Variants in RC3H2 observed in about 807,000 individuals in gnomAD.
RC3H2 encodes roquin-2.
Under a neutral mutation model 133.3 loss-of-function variants are expected in RC3H2, and 31 were observed. That is an observed-to-expected ratio of 0.23 (90% confidence interval 0.17 to 0.31). The LOEUF (loss-of-function observed/expected upper bound fraction) is 0.31, where lower values mean the gene tolerates loss of function less well. Among genes scored for constraint, RC3H2 ranks in the 10% least tolerant of loss-of-function variants. The probability of loss-of-function intolerance (pLI) is 1.00; values close to 1 mark genes in which losing one functional copy is unlikely to be tolerated. For synonymous variants in RC3H2, 517 were observed against 502.2 expected (o/e 1.03, Z -0.40); for missense variants, 1,175 against 1,437.2 (o/e 0.82, Z 2.95).
At chr9:122,904,296 T>C (rs1032064083) in intron 1 of RC3H2, among the ~76,000 whole-genome samples, 6 of 152,226 alleles carry the variant, frequency 3.9e-5, no homozygotes, top group Admixed American at 3.9e-4. Flanking sequence ...CAGTGATTAC[T>C]TGAGTCAATT....
At chr9:122,876,872 G>A (rs554892973) in intron 9 of RC3H2, among the ~76,000 whole-genome samples, 21 of 152,216 alleles carry the variant, frequency 1.4e-4, no homozygotes, top group Non-Finnish European at 2.8e-4. Flanking sequence ...ACCAAAAGCC[G>A]TAAAAAGGAT....
At chr9:122,882,465 A>G (rs1831688096) in intron 5 of RC3H2, among the ~76,000 whole-genome samples, 1 of 152,208 alleles carries the variant, frequency 6.6e-6, no homozygotes, top group Non-Finnish European at 1.5e-5. Flanking sequence ...AATAACCTAA[A>G]TAAGCTTTGG....
intron 9 of RC3H2, among the ~76,000 whole-genome samples, chr9:122,872,688 G>A (rs1439717963): frequency 1.3e-5 from 2 of 152,066 alleles, no homozygotes; most frequent in Non-Finnish European, 2.9e-5. Context: ...AGGTTCACGC[G>A]ATTCTCGTGC....
intron 18 of RC3H2, among the ~76,000 whole-genome samples, chr9:122,852,338 T>C (rs57140227): frequency 0.36 from 39,272 of 109,138 alleles, 7,005 homozygotes; most frequent in East Asian, 0.7. Flanking sequence ...CCTCTCTGCC[T>C]GGCAGCCACC....
chr9:122,888,652 A>T (rs942915735), intron 4 of RC3H2, among the ~76,000 whole-genome samples: 1 of 152,194 alleles, frequency 6.6e-6, no homozygotes, highest in Non-Finnish European at 1.5e-5. Context: ...CAGAATATAT[A>T]CTTCTTCCTC....
intron 9 of RC3H2, among the ~76,000 whole-genome samples, chr9:122,866,224 G>A (rs1182364376): frequency 6.6e-6 from 1 of 152,134 alleles, no homozygotes; most frequent in East Asian, 1.9e-4. Context: ...TATACCTAAA[G>A]TTAAAAACAT....
chr9:122,903,462 G>A (rs1014630336), intron 1 of RC3H2, among the ~76,000 whole-genome samples: 1 of 152,158 alleles, frequency 6.6e-6, no homozygotes, highest in Non-Finnish European at 1.5e-5. Context: ...CAAATTTTTG[G>A]TTTTTTCAAA....
In RC3H2 at chr9:122,897,541, A is replaced by G; in HGVS notation, c.-32T>C. On this transcript the variant is annotated 5_prime_UTR_variant, in exon 2 of 21. It removes the in-frame stop codon of an upstream open reading frame in the 5' UTR. Coordinates refer to ENST00000357244, the MANE Select transcript of RC3H2 (RefSeq NM_001100588.3). ...AGCTGGATGCTCGGGTTAGCAGTCT[A>G]GCAGATCATTATTTTGCTGTGTAGT... The G allele has an allele frequency of 1.9e-6, 3 of 1,593,522 alleles. No homozygotes were observed. The highest frequency in any genetic ancestry group is 1.7e-6 in the Non-Finnish European group (2 of 1,167,352).
Position 122,851,385 on chromosome 9 carries a change from T to C in RC3H2, c.3169A>G (p.Ile1057Val), listed in dbSNP as rs1162604433. 1 of 1,614,108 alleles carries C rather than the reference T, an allele frequency of 6.2e-7. No individual in the cohort carries two copies. Among genetic ancestry groups the C allele is most frequent in the Non-Finnish European group, 8.5e-7 (1 of 1,180,038 alleles). The change falls in exon 19 of 21, where the codon ATC (isoleucine) becomes GTC (valine). Residue 1057 changes from isoleucine to valine, a missense_variant. Ile to Val is a conservative substitution (Grantham distance 29, BLOSUM62 3). Coordinates refer to ENST00000357244, the MANE Select transcript of RC3H2 (RefSeq NM_001100588.3). The part of the protein sequence containing the change: ...DATDTKPDRD[I>V]ELELSALDTD... Reference sequence around the variant, plus strand: ...TCAAGTGCTGAAAGCTCTAACTCGATATCCCTATCAGGTTTAGTATCTGTT... The same window carrying C: ...TCAAGTGCTGAAAGCTCTAACTCGACATCCCTATCAGGTTTAGTATCTGTT...
chr9:122,852,484 A>T (rs1280510565), intron 18 of RC3H2, among the ~76,000 whole-genome samples: 1 of 135,470 alleles, frequency 7.4e-6, no homozygotes, highest in African/African-American at 2.9e-5. Flanking sequence ...CCCTACTGGG[A>T]AGTGAGGAGC....
At chr9:122,857,707 T>C (rs1402800976) in intron 13 of RC3H2, among the ~76,000 whole-genome samples, 1 of 152,202 alleles carries the variant, frequency 6.6e-6, no homozygotes, top group Non-Finnish European at 1.5e-5. Flanking sequence ...ATAGGAAAGA[T>C]TTTGAATTCT....
chr9:122,904,036 T>C (rs1001998935), intron 1 of RC3H2, among the ~76,000 whole-genome samples: 1 of 152,232 alleles, frequency 6.6e-6, no homozygotes, highest in Non-Finnish European at 1.5e-5. Flanking sequence ...CACTGTGGTA[T>C]AGCAACGTTA....
intron 13 of RC3H2, 27 bp from the exon 14 acceptor site, chr9:122,855,905 A>C (rs1830227606): frequency 1.3e-6 from 2 of 1,577,306 alleles, no homozygotes; most frequent in African/African-American, 1.4e-5. Context: ...AAATAAAGCC[A>C]ATTAGTAAGA....
At chr9:122,900,595 C>G (rs1832616770) in intron 1 of RC3H2, among the ~76,000 whole-genome samples, 1 of 152,096 alleles carries the variant, frequency 6.6e-6, no homozygotes, top group South Asian at 2.1e-4. Context: ...AGCACTAAGA[C>G]TACATATTAA....
chr9:122,884,947 T>C (rs1831842699), intron 4 of RC3H2, among the ~76,000 whole-genome samples: 1 of 151,744 alleles, frequency 6.6e-6, no homozygotes, highest in African/African-American at 2.4e-5. Flanking sequence ...TGAGGAACAG[T>C]TCCAGAATAA....
chr9:122,869,176 G>C (rs1046147929), intron 9 of RC3H2, among the ~76,000 whole-genome samples: 2 of 152,072 alleles, frequency 1.3e-5, no homozygotes, highest in Admixed American at 6.5e-5. Flanking sequence ...AAAGTGCTGG[G>C]ATTACGGGTG....
Position 122,859,077 on chromosome 9 carries a change from T to C in RC3H2, c.1875A>G (p.Val625=), listed in dbSNP as rs1441103669. Residue 625 remains valine (V), a synonymous_variant, in exon 12 of 21, where the codon GTA becomes GTG. Coordinates refer to ENST00000357244, the MANE Select transcript of RC3H2 (RefSeq NM_001100588.3). ...GAACACAGGGAGCCACACCAGCTGG[T>C]ACCGTTGGAGGTGGTGGATAGTATC... is the stretch of plus-strand genomic sequence containing the variant. ...QTGYYPPPPT[V]PAGVAPCVPR... 13 of 1,592,520 alleles carry C rather than the reference T, an allele frequency of 8.2e-6. No homozygotes were observed. Among genetic ancestry groups the C allele is most frequent in the African/African-American group, 1.3e-5 (1 of 74,356 alleles).
chr9:122,899,874 G>A (rs1564323538), intron 1 of RC3H2, among the ~76,000 whole-genome samples: 1 of 152,214 alleles, frequency 6.6e-6, no homozygotes, highest in Non-Finnish European at 1.5e-5. Context: ...TTAATTCTGT[G>A]GGTTAGGGTA....
At position 122,905,318 on chromosome 9, in the gene RC3H2, T is replaced by TCCG. The variant is rs1832806596; in HGVS notation, c.-277_-276insCGG. ...TCCTCCTCCCTCCACCTCCGCCTCC[T>TCCG]CCTCCTCCTCCTCCTCACCACGGAG... On this transcript the variant is annotated 5_prime_UTR_variant, in exon 1 of 21. Coordinates refer to ENST00000357244, the MANE Select transcript of RC3H2 (RefSeq NM_001100588.3). The TCCG allele has an allele frequency of 1.0e-6, 1 of 977,082 alleles. No individual in the cohort carries two copies. Among genetic ancestry groups the TCCG allele is most frequent in the South Asian group, 4.7e-5 (1 of 21,154 alleles). 60.5% of individuals were successfully genotyped at this position (977,082 alleles called of 1,614,324 possible).
Sources: gnomAD v4.1 joint callset for allele counts (sites outside exome capture counted in the v4.1 genomes callset) on GRCh38, gnomAD v4.1.1 for gene constraint, MANE v1.5 for transcripts, NCBI Gene and HGNC (gene_info 2026-07-23, HGNC 2026-07-21) for gene names.